Variants in ECE1 observed in about 807,000 individuals in gnomAD.
The protein encoded by ECE1 is endothelin converting enzyme 1.
Under a neutral mutation model 98.6 loss-of-function variants are expected in ECE1, and 35 were observed. The ratio of observed to expected loss-of-function variants is 0.35; its 90% CI spans 0.27 to 0.47. The LOEUF (loss-of-function observed/expected upper bound fraction) is 0.47, where lower values mean the gene tolerates loss of function less well. Ranked by LOEUF, ECE1 falls within the 20% of genes least tolerant of loss-of-function variation. ECE1 has a pLI of 1.00. For synonymous variants in ECE1, 394 were observed against 407.1 expected, an observed-to-expected ratio of 0.97 and a Z score of 0.39; for missense variants, 814 against 1,025.3, an observed-to-expected ratio of 0.79 and a Z score of 2.81.
In ECE1 at chr1:21,227,931, T is replaced by C; in HGVS notation, c.1781A>G (p.Lys594Arg). The C allele has an allele frequency of 6.4e-7, 1 of 1,551,994 alleles. No homozygotes were observed. Among genetic ancestry groups the C allele is most frequent in the Non-Finnish European group, 8.7e-7 (1 of 1,146,936 alleles). ...QAPFYTRSSP[K>R]ALNFGGIGVV... ...GGTAGGGGCCCCAGAGGCAGCCTAC[T>C]TGGGTGAGGAGCGTGTGTAGAATGG... The change falls in exon 15 of 19, where the codon AAG becomes AGG. Residue 594 changes from lysine to arginine, a missense_variant and splice_region_variant. Transcript: ENST00000374893.
intron 4 of ECE1, among the ~76,000 whole-genome samples, chr1:21,262,060 T>G (rs961062268): frequency 2.6e-5 from 4 of 152,038 alleles, no homozygotes; most frequent in African/African-American, 9.7e-5. Flanking sequence ...TCACCATAAA[T>G]AGCACCATGG....
chr1:21,312,420 CAG>C (rs1414070119), intron 1 of ECE1, among the ~76,000 whole-genome samples: 3 of 150,590 alleles, frequency 2.0e-5, no homozygotes, highest in African/African-American at 7.3e-5. Context: ...GCCTGAAAGA[CAG>C]AGTAAAATCC....
intron 4 of ECE1, among the ~76,000 whole-genome samples, chr1:21,272,174 T>G (rs28367956): frequency 6.6e-6 from 1 of 152,132 alleles, no homozygotes; most frequent in East Asian, 1.9e-4. Context: ...ATTTTACAGA[T>G]GAAGAAACTG....
At chr1:21,333,758 C>T (rs1639253636) in intron 1 of ECE1, among the ~76,000 whole-genome samples, 1 of 152,034 alleles carries the variant, frequency 6.6e-6, no homozygotes, top group South Asian at 2.1e-4. Flanking sequence ...TGCTTAAACC[C>T]AGGAGGTGGA....
upstream of ECE1, chr1:21,293,163 C>G (rs986330660): frequency 6.6e-6 from 1 of 152,160 alleles, no homozygotes; most frequent in African/African-American, 2.4e-5. Flanking sequence ...ATCACTGGTT[C>G]CTTTTACAGA....
chr1:21,278,996 C>T (rs752175448), intron 3 of ECE1, among the ~76,000 whole-genome samples, 195 bp downstream of exon 3: 10 of 152,160 alleles, frequency 6.6e-5, no homozygotes, highest in African/African-American at 1.9e-4. Context: ...GACTCAAGTG[C>T]GAGACCTTTA....
In ECE1 at chr1:21,283,369, C is replaced by G. The variant is rs544202854; in HGVS notation, c.139-4037G>C. 2.5e-3 allele frequency among the ~76,000 whole-genome samples: 378 copies of G among 151,902 alleles called. 4 individuals are homozygous for G. The highest frequency in any genetic ancestry group is 3.9e-3 in the Non-Finnish European group (265 of 67,996). On this transcript the variant is annotated intron_variant, in intron 2 of 18. Coordinates refer to ENST00000374893, the MANE Select transcript of ECE1 (RefSeq NM_001397.3). Reference sequence around the variant, plus strand: ...CACTGCAACCTCTGTCTCCCGAGTTCAAGCAATTCTCCTGCCTCAGCGTCC... The same window carrying G: ...CACTGCAACCTCTGTCTCCCGAGTTGAAGCAATTCTCCTGCCTCAGCGTCC...
chr1:21,261,878 A>G (rs1334173831), intron 4 of ECE1, among the ~76,000 whole-genome samples: 1 of 152,192 alleles, frequency 6.6e-6, no homozygotes, highest in African/African-American at 2.4e-5. Flanking sequence ...TGCGCGGAGC[A>G]GGACAGGACA....
chr1:21,258,662 C>T lies in ECE1; in HGVS notation c.762+31G>A. 2.5e-6 allele frequency: 4 copies of T among 1,614,064 alleles called. No homozygotes were observed. Among genetic ancestry groups the T allele is most frequent in the Non-Finnish European group, 3.4e-6 (4 of 1,179,972 alleles). ...AAACAGGAAGAGGTCGTGCCCGCCC[C>T]CTCGACCGCTGCAGGTTCAAGCTAG... On this transcript the variant is annotated intron_variant, in intron 6 of 18. Coordinates refer to ENST00000374893, the MANE Select transcript of ECE1 (RefSeq NM_001397.3). This position sits in a 1 kb window ranked among gnomAD's most constrained non-coding sequence, Gnocchi z 4.2.
Position 21,260,538 on chromosome 1 carries a change from G to T in ECE1, c.494-146C>A. 1 of 1,079,664 alleles carries T rather than the reference G, an allele frequency of 9.3e-7. No individual in the cohort carries two copies. Among genetic ancestry groups the T allele is most frequent in the Non-Finnish European group, 1.4e-6 (1 of 715,162 alleles). 66.9% of individuals were successfully genotyped at this position (1,079,664 alleles called of 1,614,324 possible). A position where few individuals can be genotyped will look rare whatever the true frequency, so the allele number is the denominator to read the frequency against. On this transcript the variant is annotated intron_variant, in intron 4 of 18. Coordinates refer to ENST00000374893, the MANE Select transcript of ECE1 (RefSeq NM_001397.3). The surrounding 1 kb of genome is among the most constrained non-coding windows in gnomAD (Gnocchi z 4.3). ...TGTCGGAGTGGCAGTGAGGAATGCC[G>T]TCACCGTGAGTATGTGAGGGCCCCT... is the stretch of plus-strand genomic sequence containing the variant.
chr1:21,220,447 T>A lies in ECE1; in HGVS notation c.2137-316A>T, dbSNP rs947055858. 1.3e-5 allele frequency among the ~76,000 whole-genome samples: 2 copies of A among 152,048 alleles called. No homozygotes were observed. Among genetic ancestry groups the A allele is most frequent in the Non-Finnish European group, 2.9e-5 (2 of 67,998 alleles). The stretch of plus-strand genomic sequence containing the variant: ...TGGAGAAGTCAAGGCTGCAGTGAGC[T>A]GTGATTGTGCCACTGCATTCCAGCC... On this transcript the variant is annotated intron_variant, in intron 18 of 18. Coordinates refer to ENST00000374893, the MANE Select transcript of ECE1 (RefSeq NM_001397.3). The surrounding 1 kb of genome is among the most constrained non-coding windows in gnomAD (Gnocchi z 5.0).
upstream of ECE1, among the ~76,000 whole-genome samples, chr1:21,292,206 A>G (rs1418518357): frequency 2.0e-5 from 3 of 152,086 alleles, no homozygotes; most frequent in African/African-American, 7.2e-5. Flanking sequence ...TCCCTTGCTT[A>G]AAAACCCTCC....
chr1:21,309,199 G>A (rs554319668), intron 1 of ECE1, among the ~76,000 whole-genome samples: 17 of 152,346 alleles, frequency 1.1e-4, no homozygotes, highest in Admixed American at 3.3e-4. Context: ...ACTGGGATAT[G>A]AGACACAGAA....
chr1:21,223,566 A>G (rs1039993679), intron 17 of ECE1, among the ~76,000 whole-genome samples: 1 of 152,216 alleles, frequency 6.6e-6, no homozygotes, highest in Non-Finnish European at 1.5e-5. Context: ...TTCCGGGTTC[A>G]AGCAATTCCC....
intron 4 of ECE1, among the ~76,000 whole-genome samples, chr1:21,268,350 C>A (rs1472251520): frequency 2.0e-5 from 3 of 152,166 alleles, no homozygotes; most frequent in Non-Finnish European, 4.4e-5. Flanking sequence ...ACAGCCCATG[C>A]TGGCCACTTG....
chr1:21,305,174 C>T (rs573374180), intron 1 of ECE1, among the ~76,000 whole-genome samples: 1 of 152,174 alleles, frequency 6.6e-6, no homozygotes, highest in Non-Finnish European at 1.5e-5. Context: ...CACATAGGCT[C>T]GACAGCATAG....
chr1:21,241,445 T>C (rs897555917), intron 10 of ECE1, among the ~76,000 whole-genome samples: 9 of 144,176 alleles, frequency 6.2e-5, no homozygotes, highest in Non-Finnish European at 1.2e-4. Flanking sequence ...TTTTTTGAGA[T>C]GCAGTCTTGC....
In ECE1 at chr1:21,300,620, G is replaced by A. The variant is rs191147589; in HGVS notation, c.4-10464C>T. Among the ~76,000 whole-genome samples the A allele has an allele frequency of 9.2e-5, 14 of 152,224 alleles. No individual in the cohort carries two copies. The East Asian group carries it at 2.1e-3, about 23-fold the overall frequency. Reference sequence around the variant, plus strand: ...CGGCTAATTTTTTATATTTTTCATAGAGATGAGGTTTTGCCATGTTGGCCA... The same window carrying A: ...CGGCTAATTTTTTATATTTTTCATAAAGATGAGGTTTTGCCATGTTGGCCA... On this transcript the variant is annotated intron_variant, in intron 1 of 18. Coordinates refer to the ECE1 transcript ENST00000415912.
Position 21,233,722 on chromosome 1 carries a change from C to G in ECE1, c.1567-61G>C. 1 of 1,513,562 alleles carries G rather than the reference C, an allele frequency of 6.6e-7. No homozygotes were observed. The allele number at this position is 1,513,562 out of a possible 1,614,324, so 93.8% of individuals were successfully genotyped here. A position where few individuals can be genotyped will look rare whatever the true frequency, so the allele number is the denominator to read the frequency against. ...CCTCGGTGGTGTGCATCTTCCAAGACAGGAAGCCAAGGGCTGTCATGGTTA... is the reference window on the plus strand; with the variant it reads ...CCTCGGTGGTGTGCATCTTCCAAGAGAGGAAGCCAAGGGCTGTCATGGTTA... On this transcript the variant is annotated intron_variant, in intron 13 of 18. Transcript: ENST00000374893. This position sits in a 1 kb window ranked among gnomAD's most constrained non-coding sequence, Gnocchi z 4.0.
Sources: gnomAD v4.1 joint callset for allele counts (sites outside exome capture counted in the v4.1 genomes callset) on GRCh38, gnomAD v4.1.1 for gene constraint, Gnocchi (gnomAD v3.1) non-coding constraint, MANE v1.5 for transcripts, NCBI Gene and HGNC (gene_info 2026-07-23, HGNC 2026-07-21) for gene names.